DLGAP1: variants seen among roughly 807,000 people sequenced by gnomAD.
The protein encoded by DLGAP1 is disks large-associated protein 1.
DLGAP1 carries 11 observed loss-of-function variants against 90.8 expected under a neutral mutation model. That is an observed-to-expected ratio of 0.12 (90% CI 0.08 to 0.20). The LOEUF (loss-of-function observed/expected upper bound fraction) is 0.20. Ranked by LOEUF, DLGAP1 falls within the 10% of genes least tolerant of loss-of-function variation. The pLI, the probability that DLGAP1 is intolerant of heterozygous loss-of-function variation, is 1.00. For synonymous variants in DLGAP1, 558 were observed against 540.7 expected, an observed-to-expected ratio of 1.03 and a Z score of -0.44; for missense variants, 1,050 against 1,333.8, an observed-to-expected ratio of 0.79 and a Z score of 3.31.
rs535598502 is a variant in DLGAP1, at chr18:4,089,872, C to T, written c.-159+61308G>A. ...CATCCTGGCTAACACGGTGAAACCC[C>T]GTCTCTACTAAAAACACAAAAAATT... is the stretch of plus-strand genomic sequence containing the variant. On this transcript the variant is annotated intron_variant, in intron 2 of 12. Coordinates refer to ENST00000315677, the MANE Select transcript of DLGAP1 (RefSeq NM_004746.4). Among the ~76,000 whole-genome samples the T allele has an allele frequency of 2.1e-4, 32 of 152,150 alleles. No individual in the cohort carries two copies. The South Asian group carries it at 2.5e-3, about 12-fold the overall frequency.
chr18:3,912,355 G>A (rs2072053709), intron 3 of DLGAP1, among the ~76,000 whole-genome samples: 1 of 152,004 alleles, frequency 6.6e-6, no homozygotes, highest in Non-Finnish European at 1.5e-5. Context: ...TTTCTTTTAG[G>A]GTCTCACAAT....
At chr18:3,529,926 TA>T (rs1204433312) in intron 10 of DLGAP1, among the ~76,000 whole-genome samples, 3 of 152,232 alleles carry the variant, frequency 2.0e-5, no homozygotes, top group Non-Finnish European at 4.4e-5. Context: ...ACCTTTCAAA[TA>T]TATGTTATTG....
At chr18:4,265,668 C>G (rs2079112184) in intron 1 of DLGAP1, among the ~76,000 whole-genome samples, 2 of 71,754 alleles carry the variant, frequency 2.8e-5, no homozygotes, top group Non-Finnish European at 4.9e-5. Flanking sequence ...TCCCTCCCTT[C>G]CTTCCTTCCT....
At chr18:4,163,230 G>A (rs542272608) in intron 1 of DLGAP1, among the ~76,000 whole-genome samples, 1 of 152,186 alleles carries the variant, frequency 6.6e-6, no homozygotes, top group Non-Finnish European at 1.5e-5. Context: ...CTCTTCAGTA[G>A]TGTACTTTTG....
At chr18:4,209,384 T>C (rs1044294455) in intron 1 of DLGAP1, among the ~76,000 whole-genome samples, 1 of 152,210 alleles carries the variant, frequency 6.6e-6, no homozygotes, top group African/African-American at 2.4e-5. Context: ...GCAAGTTATA[T>C]ATGTACGAGT....
intron 3 of DLGAP1, among the ~76,000 whole-genome samples, chr18:3,945,388 G>A (rs749172295): frequency 6.6e-6 from 1 of 152,150 alleles, no homozygotes; most frequent in African/African-American, 2.4e-5. Context: ...CTCTTTGATC[G>A]TTCCATATTT....
At chr18:3,650,421 C>T (rs578008228) in intron 7 of DLGAP1, among the ~76,000 whole-genome samples, 1 of 151,974 alleles carries the variant, frequency 6.6e-6, no homozygotes, top group African/African-American at 2.4e-5. Flanking sequence ...GCCAGCAGTT[C>T]AACACTACCC....
chr18:3,839,278 C>A (rs1401479144), intron 4 of DLGAP1, among the ~76,000 whole-genome samples: 2 of 152,116 alleles, frequency 1.3e-5, no homozygotes, highest in South Asian at 4.2e-4. Context: ...GTAGAAACCA[C>A]AAGAATCAAT....
intron 1 of DLGAP1, among the ~76,000 whole-genome samples, chr18:4,237,086 A>T (rs2078431875): frequency 6.6e-6 from 1 of 152,146 alleles, no homozygotes; most frequent in Non-Finnish European, 1.5e-5. Flanking sequence ...GAAGCTATCG[A>T]GTAGCTCAGT....
chr18:3,728,212 T>C (rs1358719540), intron 7 of DLGAP1, among the ~76,000 whole-genome samples: 1 of 151,532 alleles, frequency 6.6e-6, no homozygotes, highest in African/African-American at 2.4e-5. Flanking sequence ...GATCTTCTTG[T>C]AGAATACTCT....
intron 2 of DLGAP1, among the ~76,000 whole-genome samples, chr18:4,007,645 G>A (rs1028165678): frequency 2.7e-5 from 4 of 149,428 alleles, no homozygotes; most frequent in Admixed American, 2.6e-4. Flanking sequence ...GACAGAACAA[G>A]GCTCCATCTC....
intron 3 of DLGAP1, among the ~76,000 whole-genome samples, chr18:3,911,702 G>T (rs1018384049): frequency 1.3e-5 from 2 of 152,182 alleles, no homozygotes; most frequent in Non-Finnish European, 2.9e-5. Flanking sequence ...TGGCTCTTTT[G>T]TGAACTATTT....
At chr18:3,739,413 T>C (rs368773999) in intron 6 of DLGAP1, among the ~76,000 whole-genome samples, 7,475 of 141,864 alleles carry the variant, frequency 0.053, 531 homozygotes, top group African/African-American at 0.19. Flanking sequence ...TAAGAAAATG[T>C]GGCACATATA....
At chr18:4,328,707 A>G (rs2143697582) in intron 1 of DLGAP1, among the ~76,000 whole-genome samples, 1 of 152,022 alleles carries the variant, frequency 6.6e-6, no homozygotes, top group East Asian at 1.9e-4. Context: ...ATCATTTATT[A>G]TTGCCAGACC....
intron 3 of DLGAP1, among the ~76,000 whole-genome samples, chr18:3,941,479 A>C (rs2072767800): frequency 6.6e-6 from 1 of 152,226 alleles, no homozygotes; most frequent in Non-Finnish European, 1.5e-5. Context: ...CAACTGGCTG[A>C]TAAATATTAA....
In DLGAP1 at chr18:3,738,486, C is replaced by A. The variant is rs1291816844; in HGVS notation, c.1350+3849G>T. On this transcript the variant is annotated intron_variant, in intron 6 of 12. Transcript: ENST00000315677. The stretch of plus-strand genomic sequence containing the variant: ...AATAACGCCACATATCTACAACTAT[C>A]TGATCTTTGACAAACCTGAGAAAAA... Among the ~76,000 whole-genome samples the A allele has an allele frequency of 1.3e-4, 20 of 148,948 alleles. No homozygotes were observed. The East Asian group carries it at 2.2e-3, about 16-fold the overall frequency.
At chr18:4,353,573 T>C (rs2081443557) in intron 1 of DLGAP1, among the ~76,000 whole-genome samples, 1 of 152,136 alleles carries the variant, frequency 6.6e-6, no homozygotes, top group African/African-American at 2.4e-5. Context: ...GGCTCTTTTT[T>C]ATAATGAGCA....
chr18:4,290,241 G>C (rs569229591), intron 1 of DLGAP1, among the ~76,000 whole-genome samples: 2 of 152,006 alleles, frequency 1.3e-5, no homozygotes, highest in Non-Finnish European at 2.9e-5. Flanking sequence ...TTATGCATAC[G>C]GTTTCAAAAT....
chr18:4,334,698 G>A (rs941490410), intron 1 of DLGAP1, among the ~76,000 whole-genome samples: 6 of 151,844 alleles, frequency 4.0e-5, no homozygotes, highest in African/African-American at 1.5e-4. Context: ...AGGGCAGGGT[G>A]GGAAGAGGTT....
Sources: allele counts gnomAD v4.1 joint callset (sites outside exome capture counted in the v4.1 genomes callset), GRCh38; gene constraint gnomAD v4.1.1; transcripts MANE v1.5; gene names NCBI Gene and HGNC (gene_info 2026-07-23, HGNC 2026-07-21).